Variants in PATJ observed in about 807,000 individuals in gnomAD.
The protein encoded by PATJ is PATJ crumbs cell polarity complex component.
A neutral mutation model predicts 224.9 loss-of-function variants in PATJ; 190 were observed. The ratio of observed to expected loss-of-function variants is 0.84; its 90% CI spans 0.75 to 0.95. PATJ has a LOEUF of 0.95. Ranked by LOEUF, PATJ falls within the 40% of genes least tolerant of loss-of-function variation. PATJ has a pLI of 0.00. For missense variants in PATJ, 2,121 were observed against 2,270.3 expected, an observed-to-expected ratio of 0.93 and a Z score of 1.34; for synonymous variants, 769 against 820.3, an observed-to-expected ratio of 0.94 and a Z score of 1.07.
intron 17 of PATJ, among the ~76,000 whole-genome samples, chr1:61,845,806 G>T (rs1364527315): frequency 6.6e-6 from 1 of 152,190 alleles, no homozygotes; most frequent in African/African-American, 2.4e-5. Context: ...TCTAGAGATG[G>T]CTCCAATCTT....
At chr1:61,928,251 T>C (rs1287129281) in intron 27 of PATJ, among the ~76,000 whole-genome samples, 3 of 152,196 alleles carry the variant, frequency 2.0e-5, no homozygotes, top group Non-Finnish European at 4.4e-5. Flanking sequence ...CCTTTAAAAT[T>C]CATTTCATGA....
chr1:61,968,558 A>G (rs1682496309), intron 27 of PATJ, among the ~76,000 whole-genome samples: 1 of 152,070 alleles, frequency 6.6e-6, no homozygotes, highest in Non-Finnish European at 1.5e-5. Context: ...TTTTTAATGT[A>G]TTTTTTTAAT....
chr1:61,912,506 T>C lies in PATJ; in HGVS notation c.3493-2081T>C, dbSNP rs535904691. 1.3e-3 allele frequency among the ~76,000 whole-genome samples: 196 copies of C among 151,584 alleles called. 1 individual carries two copies. Among genetic ancestry groups the C allele is most frequent in the African/African-American group, 4.6e-3 (190 of 41,276 alleles). ...CTACTTGGGAATGAGGCACAAGAAT[T>C]GCTTGAACCTGGGAGACACAGGTTG... is the stretch of plus-strand genomic sequence containing the variant. On this transcript the variant is annotated intron_variant, in intron 25 of 43. Transcript: ENST00000642238.
At chr1:62,096,466 A>G (rs1661409996) in intron 33 of PATJ, among the ~76,000 whole-genome samples, 1 of 152,194 alleles carries the variant, frequency 6.6e-6, no homozygotes. Flanking sequence ...TGGTCCTTTG[A>G]GCTTAATCCT....
chr1:61,864,120 G>A (rs1570965350), intron 19 of PATJ, 118 bp from the exon 20 acceptor site: 2 of 752,176 alleles, frequency 2.7e-6, no homozygotes, highest in Non-Finnish European at 4.3e-6. Flanking sequence ...AGCTGTGCAT[G>A]TTAGCTGTGC....
At chr1:61,941,349 T>C (rs1677787530) in intron 27 of PATJ, among the ~76,000 whole-genome samples, 1 of 152,188 alleles carries the variant, frequency 6.6e-6, no homozygotes, top group Non-Finnish European at 1.5e-5. Context: ...AGTATAATGT[T>C]GTTTATAAAG....
intron 18 of PATJ, among the ~76,000 whole-genome samples, chr1:61,861,295 T>TTTTTTTTTTTTTTTC (rs1664546719): frequency 7.0e-6 from 1 of 142,366 alleles, no homozygotes; most frequent in Non-Finnish European, 1.5e-5. Flanking sequence ...TTTTTTTTTT[T>TTTTTTTTTTTTTTTC]TTTTTTTTTT....
At chr1:62,082,933 C>A (rs1372365529) in intron 32 of PATJ, among the ~76,000 whole-genome samples, 1 of 151,952 alleles carries the variant, frequency 6.6e-6, no homozygotes, top group Admixed American at 6.6e-5. Context: ...CAGATGGAGC[C>A]CTCTCTCATC....
intron 31 of PATJ, among the ~76,000 whole-genome samples, chr1:62,053,432 G>C (rs536245412): frequency 1.8e-4 from 27 of 152,272 alleles, no homozygotes; most frequent in African/African-American, 5.8e-4. Context: ...TTATTTAAGA[G>C]TGTCTGGCCG....
intron 27 of PATJ, among the ~76,000 whole-genome samples, chr1:61,955,392 G>A (rs1264699323): frequency 6.6e-6 from 1 of 152,148 alleles, no homozygotes; most frequent in Non-Finnish European, 1.5e-5. Flanking sequence ...AAGGCCCTCT[G>A]GAAGAGACTG....
intron 17 of PATJ, among the ~76,000 whole-genome samples, chr1:61,844,074 C>T (rs1661535740): frequency 6.6e-6 from 1 of 152,132 alleles, no homozygotes. Flanking sequence ...GACAAATAAG[C>T]ATATATTACA....
chr1:61,852,956 G>T (rs564512528), intron 17 of PATJ, among the ~76,000 whole-genome samples: 17 of 152,146 alleles, frequency 1.1e-4, no homozygotes, highest in Non-Finnish European at 2.4e-4. Flanking sequence ...ATGAAGCAGT[G>T]ATTATACATA....
chr1:61,778,781 A>G (rs930560927), intron 7 of PATJ, among the ~76,000 whole-genome samples: 1 of 152,010 alleles, frequency 6.6e-6, no homozygotes, highest in African/African-American at 2.4e-5. Flanking sequence ...GCTCACCACA[A>G]CCTCTGCCTC....
chr1:61,879,194 G>A lies in PATJ; in HGVS notation c.2959+3828G>A, dbSNP rs1003641169. 6.6e-5 allele frequency among the ~76,000 whole-genome samples: 10 copies of A among 152,230 alleles called. No homozygotes were observed. The East Asian group carries it at 1.7e-3, about 26-fold the overall frequency. On this transcript the variant is annotated intron_variant, in intron 21 of 43. Coordinates refer to ENST00000642238, the MANE Select transcript of PATJ (RefSeq NM_001350145.3). ...AATGAATTACTGGGGTATATCCTAT[G>A]AGTGATTAATGGGTTTATGCCTGCA...
chr1:61,917,313 C>A (rs546042285), intron 26 of PATJ, among the ~76,000 whole-genome samples: 9 of 152,074 alleles, frequency 5.9e-5, no homozygotes, highest in African/African-American at 2.2e-4. Flanking sequence ...TCTTTCACTG[C>A]CATAGTTTTC....
At chr1:62,015,431 A>G (rs1012417559) in intron 28 of PATJ, among the ~76,000 whole-genome samples, 1 of 152,190 alleles carries the variant, frequency 6.6e-6, no homozygotes, top group Non-Finnish European at 1.5e-5. Context: ...AATTCTCACA[A>G]TAGCTTTGTG....
chr1:61,881,272 A>AGTCT (rs1302878905), intron 21 of PATJ, among the ~76,000 whole-genome samples: 1 of 152,148 alleles, frequency 6.6e-6, no homozygotes, highest in Non-Finnish European at 1.5e-5. Flanking sequence ...GGTAGCGGAG[A>AGTCT]CATTCAGGAG....
At chr1:61,914,512 T>C in intron 25 of PATJ, 75 bp from the exon 26 acceptor site, 4 of 688,592 alleles carry the variant, frequency 5.8e-6, no homozygotes, top group Non-Finnish European at 7.5e-6. Context: ...CATTGTGGAA[T>C]GTCAAGAGAA....
chr1:62,106,063 A>AAAATATATAT (rs34767684), intron 33 of PATJ, among the ~76,000 whole-genome samples: 1 of 39,640 alleles, frequency 2.5e-5, no homozygotes, highest in African/African-American at 9.9e-5. Context: ...AAAAAAAAAA[A>AAAATATATAT]ATATATATAT....
Sources: allele counts gnomAD v4.1 joint callset (sites outside exome capture counted in the v4.1 genomes callset), GRCh38; gene constraint gnomAD v4.1.1; transcripts MANE v1.5; gene names NCBI Gene and HGNC (gene_info 2026-07-23, HGNC 2026-07-21).